The following CHST11 variants were observed in gnomAD, a reference collection of about 807,000 sequenced individuals.
The protein encoded by CHST11 is carbohydrate sulfotransferase 11.
A neutral mutation model predicts 30.4 loss-of-function variants in CHST11; 9 were observed. The ratio of observed to expected loss-of-function variants is 0.30; its 90% CI spans 0.18 to 0.52. The LOEUF is 0.52. Among genes scored for constraint, CHST11 ranks in the 20% least tolerant of loss-of-function variants. The probability of loss-of-function intolerance (pLI) is 0.97; values close to 1 mark genes in which losing one functional copy is unlikely to be tolerated. For missense variants in CHST11, 348 were observed against 460.6 expected (o/e 0.76, Z 2.24); for synonymous variants, 152 against 187.8 (o/e 0.81, Z 1.56).
At chr12:104,731,335 A>G (rs909868517) in intron 2 of CHST11, among the ~76,000 whole-genome samples, 2 of 152,214 alleles carry the variant, frequency 1.3e-5, no homozygotes, top group African/African-American at 2.4e-5. Context: ...AGCAAACCAA[A>G]GCCGAAAGAA....
intron 2 of CHST11, among the ~76,000 whole-genome samples, chr12:104,712,967 C>T (rs1378651189): frequency 1.3e-5 from 2 of 152,038 alleles, no homozygotes; most frequent in African/African-American, 4.8e-5. Flanking sequence ...CCCCATCCCC[C>T]TTCCCACCTT....
chr12:104,495,083 T>C (rs185453997), intron 1 of CHST11, among the ~76,000 whole-genome samples: 10 of 152,330 alleles, frequency 6.6e-5, no homozygotes, highest in African/African-American at 2.4e-4. Flanking sequence ...TATTTCTGTT[T>C]TTGGGACTGG....
chr12:104,643,548 T>C (rs1216037234), intron 2 of CHST11, among the ~76,000 whole-genome samples: 1 of 152,114 alleles, frequency 6.6e-6, no homozygotes, highest in Admixed American at 6.5e-5. Context: ...AGTAACAGAT[T>C]TCTTCCAATA....
chr12:104,509,698 A>T (rs1476971710), intron 1 of CHST11, among the ~76,000 whole-genome samples: 1 of 152,216 alleles, frequency 6.6e-6, no homozygotes, highest in Non-Finnish European at 1.5e-5. Context: ...AGAACTCATG[A>T]ATGACATGAG....
intron 2 of CHST11, among the ~76,000 whole-genome samples, chr12:104,731,555 T>C (rs1204466443): frequency 6.6e-6 from 1 of 152,210 alleles, no homozygotes; most frequent in African/African-American, 2.4e-5. Flanking sequence ...GCTGTGGCTC[T>C]AAGGCCACAT....
chr12:104,682,328 T>A (rs746216119), intron 2 of CHST11, among the ~76,000 whole-genome samples: 16 of 152,198 alleles, frequency 1.1e-4, no homozygotes, highest in Admixed American at 4.6e-4. Flanking sequence ...GAGCATGCCG[T>A]TGAGGAATAA....
chr12:104,593,415 T>C (rs2136041543), intron 1 of CHST11, among the ~76,000 whole-genome samples: 1 of 152,256 alleles, frequency 6.6e-6, no homozygotes, highest in African/African-American at 2.4e-5. Context: ...AAAACTTAAG[T>C]TTGATAATGG....
At chr12:104,542,037 T>A (rs1199072088) in intron 1 of CHST11, among the ~76,000 whole-genome samples, 2 of 152,270 alleles carry the variant, frequency 1.3e-5, no homozygotes, top group African/African-American at 4.8e-5. Flanking sequence ...ATTTTTAACA[T>A]CTTGGATGTG....
chr12:104,597,622 A>G (rs922830411), intron 1 of CHST11, among the ~76,000 whole-genome samples: 1 of 151,380 alleles, frequency 6.6e-6, no homozygotes, highest in African/African-American at 2.5e-5. Context: ...CAAGCACCAC[A>G]GCAACAAATG....
At chr12:104,550,822 C>A (rs942017277) in intron 1 of CHST11, among the ~76,000 whole-genome samples, 1 of 152,144 alleles carries the variant, frequency 6.6e-6, no homozygotes, top group Admixed American at 6.5e-5. Flanking sequence ...TGTCGTTGGG[C>A]CACTTTATGT....
At chr12:104,615,476 T>C (rs561385696) in intron 2 of CHST11, among the ~76,000 whole-genome samples, 2 of 152,244 alleles carry the variant, frequency 1.3e-5, no homozygotes, top group South Asian at 2.1e-4. Flanking sequence ...GAGAGAAAGA[T>C]GAATGTCTGA....
At chr12:104,493,909 C>T (rs2037774398) in intron 1 of CHST11, among the ~76,000 whole-genome samples, 1 of 152,154 alleles carries the variant, frequency 6.6e-6, no homozygotes, top group African/African-American at 2.4e-5. Flanking sequence ...CTGCAGCCTC[C>T]ATCTCTTGGG....
At chr12:104,464,266 C>T (rs1181917770) in intron 1 of CHST11, among the ~76,000 whole-genome samples, 2 of 151,868 alleles carry the variant, frequency 1.3e-5, no homozygotes, top group Admixed American at 1.3e-4. Flanking sequence ...CTGGGTTTTG[C>T]CATGTTGGCC....
intron 2 of CHST11, among the ~76,000 whole-genome samples, chr12:104,634,720 G>A (rs2136070223): frequency 6.6e-6 from 1 of 152,252 alleles, no homozygotes; most frequent in East Asian, 1.9e-4. Context: ...TCCCTGTTTG[G>A]GGTTAGCTGA....
chr12:104,654,352 T>C (rs1248160340), intron 2 of CHST11, among the ~76,000 whole-genome samples: 2 of 152,264 alleles, frequency 1.3e-5, no homozygotes, highest in East Asian at 3.9e-4. Context: ...TAAGAAGGTG[T>C]AGGGCTGAGA....
chr12:104,562,873 T>C (rs1018159215), intron 1 of CHST11, among the ~76,000 whole-genome samples: 2 of 152,200 alleles, frequency 1.3e-5, no homozygotes, highest in African/African-American at 4.8e-5. Flanking sequence ...GTCTGCCTCT[T>C]GGCACCTTCT....
chr12:104,714,950 AG>A (rs2040118527), intron 2 of CHST11, among the ~76,000 whole-genome samples: 1 of 152,260 alleles, frequency 6.6e-6, no homozygotes, highest in Admixed American at 6.5e-5. Flanking sequence ...AAGCTGGGGT[AG>A]CTGACCTCGA....
intron 2 of CHST11, among the ~76,000 whole-genome samples, chr12:104,706,124 C>T (rs2040031875): frequency 6.6e-6 from 1 of 151,692 alleles, no homozygotes; most frequent in South Asian, 2.1e-4. Flanking sequence ...TGGCTCACGC[C>T]TGTAATCCCA....
intron 1 of CHST11, among the ~76,000 whole-genome samples, chr12:104,599,801 C>G (rs6539162): frequency 0.79 from 120,859 of 152,184 alleles, 48,425 homozygotes; most frequent in East Asian, 0.99. Flanking sequence ...TTGGCAAACT[C>G]TAGCCCAAGG....
Sources: allele counts gnomAD v4.1 joint callset (sites outside exome capture counted in the v4.1 genomes callset), GRCh38; gene constraint gnomAD v4.1.1; transcripts MANE v1.5; gene names NCBI Gene and HGNC (gene_info 2026-07-23, HGNC 2026-07-21).